USP12: variants seen among roughly 807,000 people sequenced by gnomAD.
USP12 encodes ubiquitin carboxyl-terminal hydrolase 12.
Under a neutral mutation model 45.5 loss-of-function variants are expected in USP12, and 19 were observed. The ratio of observed to expected loss-of-function variants is 0.42; its 90% CI spans 0.29 to 0.61. The LOEUF (loss-of-function observed/expected upper bound fraction) is 0.61, where lower values mean the gene tolerates loss of function less well. Among genes scored for constraint, USP12 ranks in the 20% least tolerant of loss-of-function variants. The probability of loss-of-function intolerance (pLI) is 0.22; values close to 1 mark genes in which losing one functional copy is unlikely to be tolerated. For synonymous variants in USP12, 149 were observed against 148.8 expected, an observed-to-expected ratio of 1.00 and a Z score of -0.01; for missense variants, 242 against 447.7, an observed-to-expected ratio of 0.54 and a Z score of 4.15.
intron 3 of USP12, among the ~76,000 whole-genome samples, chr13:27,104,140 G>C (rs908639281): frequency 9.2e-5 from 14 of 152,042 alleles, no homozygotes; most frequent in African/African-American, 2.9e-4. Context: ...AAGCGATCCT[G>C]CCACCTTAGC....
intron 1 of USP12, among the ~76,000 whole-genome samples, chr13:27,136,494 G>A (rs932140963): frequency 3.3e-5 from 5 of 152,108 alleles, no homozygotes; most frequent in South Asian, 2.1e-4. Context: ...ATGAAAGCCC[G>A]CCTCAAATAA....
chr13:27,093,065 G>A (rs1025640664), intron 4 of USP12, among the ~76,000 whole-genome samples: 9 of 151,864 alleles, frequency 5.9e-5, no homozygotes, highest in African/African-American at 1.5e-4. Flanking sequence ...GCGTGGTGGC[G>A]CGTGCCTGTA....
At chr13:27,170,442 C>G (rs1017246485) in intron 1 of USP12, 3 of 397,398 alleles carry the variant, frequency 7.5e-6, no homozygotes, top group African/African-American at 6.2e-5. Context: ...CACAAGATTT[C>G]AGAAGTCTCT....
At chr13:27,131,557 C>T (rs1876502909) in intron 1 of USP12, among the ~76,000 whole-genome samples, 1 of 152,198 alleles carries the variant, frequency 6.6e-6, no homozygotes, top group Admixed American at 6.5e-5. Context: ...TGTTCAAGTA[C>T]ACTTGGTTTT....
At chr13:27,118,733 C>T (rs1027573413) in intron 1 of USP12, among the ~76,000 whole-genome samples, 1 of 152,190 alleles carries the variant, frequency 6.6e-6, no homozygotes, top group Admixed American at 6.5e-5. Flanking sequence ...ACTTACCCAT[C>T]TAGAACAATA....
intron 3 of USP12, among the ~76,000 whole-genome samples, chr13:27,098,505 T>C (rs1423713189): frequency 6.6e-6 from 1 of 152,060 alleles, no homozygotes; most frequent in Non-Finnish European, 1.5e-5. Context: ...AATGACAAAA[T>C]ATCATTTTGC....
At chr13:27,124,682 C>T (rs1325417987) in intron 1 of USP12, among the ~76,000 whole-genome samples, 1 of 152,094 alleles carries the variant, frequency 6.6e-6, no homozygotes. Flanking sequence ...GTTCTGGAGG[C>T]ACAGGAAGCA....
intron 1 of USP12, among the ~76,000 whole-genome samples, chr13:27,136,691 C>T (rs1166641350): frequency 6.6e-6 from 1 of 152,174 alleles, no homozygotes; most frequent in Non-Finnish European, 1.5e-5. Flanking sequence ...TATGTACTGA[C>T]TACCCACAAG....
chr13:27,084,233 TG>T (rs753099115), intron 6 of USP12, among the ~76,000 whole-genome samples: 11 of 149,216 alleles, frequency 7.4e-5, no homozygotes, highest in Non-Finnish European at 1.5e-4. Context: ...CCTGTCTGGG[TG>T]TGGTGGCTCA....
intron 1 of USP12, among the ~76,000 whole-genome samples, chr13:27,147,106 T>G (rs892290069): frequency 6.6e-6 from 1 of 152,188 alleles, no homozygotes; most frequent in Non-Finnish European, 1.5e-5. Flanking sequence ...AATTGTAAGA[T>G]GACCAATGTC....
intron 1 of USP12, among the ~76,000 whole-genome samples, chr13:27,161,180 A>G (rs749344975): frequency 3.3e-5 from 5 of 152,200 alleles, no homozygotes; most frequent in Admixed American, 6.5e-5. Flanking sequence ...CAAATTAAAC[A>G]AACAGGGAAC....
intron 6 of USP12, chr13:27,089,553 G>A (rs911754859): frequency 5.1e-5 from 10 of 196,298 alleles, no homozygotes; most frequent in Admixed American, 2.7e-4. Flanking sequence ...GATGGGCAAT[G>A]GGGAGTGCTA....
intron 7 of USP12, among the ~76,000 whole-genome samples, chr13:27,071,433 T>C (rs1873242253): frequency 1.3e-5 from 2 of 152,206 alleles, no homozygotes; most frequent in East Asian, 1.9e-4. Context: ...GTAATAATTT[T>C]CAATTTTGCT....
intron 1 of USP12, among the ~76,000 whole-genome samples, chr13:27,150,981 C>T (rs1195544232): frequency 1.3e-5 from 2 of 151,942 alleles, no homozygotes; most frequent in African/African-American, 4.8e-5. Context: ...AAAGGATTGA[C>T]ACAGGATTTG....
chr13:27,072,292 A>G (rs1873280797), intron 7 of USP12, among the ~76,000 whole-genome samples: 1 of 152,204 alleles, frequency 6.6e-6, no homozygotes, highest in Non-Finnish European at 1.5e-5. Flanking sequence ...AGGTTGCAGA[A>G]CACAGGGTGG....
At chr13:27,148,676 T>TTATATATATATATATATATA (rs59164229) in intron 1 of USP12, among the ~76,000 whole-genome samples, 38 of 139,422 alleles carry the variant, frequency 2.7e-4, no homozygotes, top group African/African-American at 1.0e-3. Flanking sequence ...AAAAAAAAAA[T>TTATATATATATATATATATA]TATATATATA....
chr13:27,109,723 G>A (rs1336072730), intron 2 of USP12, among the ~76,000 whole-genome samples: 1 of 151,952 alleles, frequency 6.6e-6, no homozygotes, highest in African/African-American at 2.4e-5. Context: ...AGACCAGCCT[G>A]GCCAACATGG....
chr13:27,155,991 G>A (rs1877822088), intron 1 of USP12, among the ~76,000 whole-genome samples: 1 of 152,040 alleles, frequency 6.6e-6, no homozygotes, highest in Non-Finnish European at 1.5e-5. Context: ...ACCTATAGAA[G>A]CAGTTAAAAC....
intron 1 of USP12, among the ~76,000 whole-genome samples, chr13:27,159,301 G>T (rs2137840927): frequency 6.6e-6 from 1 of 152,174 alleles, no homozygotes. Context: ...AATTACAAGG[G>T]CGTATCTACC....
Sources: gnomAD v4.1 joint callset for allele counts (sites outside exome capture counted in the v4.1 genomes callset) on GRCh38, gnomAD v4.1.1 for gene constraint, MANE v1.5 for transcripts, NCBI Gene and HGNC (gene_info 2026-07-23, HGNC 2026-07-21) for gene names.